Variants in FBXL5 observed in about 807,000 individuals in gnomAD.
The protein encoded by FBXL5 is F-box/LRR-repeat protein 5.
A neutral mutation model predicts 78.3 loss-of-function variants in FBXL5; 26 were observed. The ratio of observed to expected loss-of-function variants is 0.33; its 90% CI spans 0.24 to 0.46. FBXL5 has a LOEUF of 0.46. Ranked by LOEUF, FBXL5 falls within the 20% of genes least tolerant of loss-of-function variation. The pLI, the probability that FBXL5 is intolerant of heterozygous loss-of-function variation, is 1.00. For synonymous variants in FBXL5, 295 were observed against 282.5 expected (o/e 1.04, Z -0.45); for missense variants, 710 against 829.2 (o/e 0.86, Z 1.77).
chr4:15,614,790 C>G (rs1711603155), intron 9 of FBXL5, among the ~76,000 whole-genome samples: 1 of 152,190 alleles, frequency 6.6e-6, no homozygotes, highest in Admixed American at 6.5e-5. Context: ...AGCACCTCCT[C>G]TGCCTGGGCC....
chr4:15,617,937 C>T (rs1482241798), intron 9 of FBXL5, among the ~76,000 whole-genome samples: 1 of 151,984 alleles, frequency 6.6e-6, no homozygotes, highest in Non-Finnish European at 1.5e-5. Flanking sequence ...AACAAACCTG[C>T]ACATCTCACA....
chr4:15,668,649 T>C (rs1717642875), intron 1 of FBXL5, among the ~76,000 whole-genome samples: 1 of 152,166 alleles, frequency 6.6e-6, no homozygotes, highest in Non-Finnish European at 1.5e-5. Flanking sequence ...ATTCTTGAAA[T>C]AAAGGCTTAA....
intron 3 of FBXL5, among the ~76,000 whole-genome samples, chr4:15,639,750 C>T (rs1714648965): frequency 1.3e-5 from 2 of 152,066 alleles, no homozygotes; most frequent in Non-Finnish European, 2.9e-5. Context: ...CAATGCATGT[C>T]CTCTGATTTA....
chr4:15,617,954 C>A (rs764555990), intron 9 of FBXL5, among the ~76,000 whole-genome samples: 12 of 151,932 alleles, frequency 7.9e-5, no homozygotes, highest in Non-Finnish European at 1.6e-4. Flanking sequence ...CACACAGATA[C>A]CCTGAACTTA....
intron 1 of FBXL5, among the ~76,000 whole-genome samples, chr4:15,653,506 C>T (rs750845657): frequency 6.6e-6 from 1 of 152,256 alleles, no homozygotes; most frequent in African/African-American, 2.4e-5. Flanking sequence ...AAGCTACAAA[C>T]ACCCTAGGAA....
At chr4:15,638,994 A>T (rs4698406) in intron 3 of FBXL5, among the ~76,000 whole-genome samples, 1 of 151,826 alleles carries the variant, frequency 6.6e-6, no homozygotes, top group Non-Finnish European at 1.5e-5. Flanking sequence ...GAAAAACGCC[A>T]TCTCTACTAA....
chr4:15,668,434 T>C (rs953861229), intron 1 of FBXL5, among the ~76,000 whole-genome samples: 2 of 151,818 alleles, frequency 1.3e-5, no homozygotes, highest in African/African-American at 4.8e-5. Flanking sequence ...ACAGCAGATT[T>C]TGACTTTATT....
intron 9 of FBXL5, among the ~76,000 whole-genome samples, chr4:15,613,961 T>C (rs1303692321): frequency 6.6e-6 from 1 of 152,236 alleles, no homozygotes; most frequent in African/African-American, 2.4e-5. Flanking sequence ...TCTTCTTCAT[T>C]TGGATCCACT....
chr4:15,677,044 G>A (rs1164676813), intron 1 of FBXL5, among the ~76,000 whole-genome samples: 1 of 152,058 alleles, frequency 6.6e-6, no homozygotes, highest in Admixed American at 6.6e-5. Flanking sequence ...GTCAAAAAGA[G>A]GTTTATTTCG....
At position 15,612,272 on chromosome 4, in the gene FBXL5, T is replaced by C; in HGVS notation, c.1993A>G (p.Ile665Val). Residue 665 changes from isoleucine to valine, a missense_variant, in exon 10 of 11, where the codon ATT becomes GTT. Ile to Val is a conservative substitution (Grantham distance 29). Around this residue, in one of 4 missense-constraint regions of FBXL5, gnomAD observed 58 missense variants for 112.3 expected, o/e 0.52. Transcript: ENST00000341285. ...CACTGTTAAAAGGCATTACCGTTAATGTTGTCACAGTAGTAAAAGTATTCA... is the reference window on the plus strand; with the variant it reads ...CACTGTTAAAAGGCATTACCGTTAACGTTGTCACAGTAGTAAAAGTATTCA... The part of the protein sequence containing the change: ...NDEYFYYCDN[I>V]NGPHADTASG... The C allele has an allele frequency of 6.3e-7, 1 of 1,597,898 alleles. No individual in the cohort carries two copies. The highest frequency in any genetic ancestry group is 8.5e-7 in the Non-Finnish European group (1 of 1,174,602).
upstream of FBXL5, among the ~76,000 whole-genome samples, chr4:15,659,476 T>C (rs1254482328): frequency 1.3e-5 from 2 of 152,160 alleles, no homozygotes; most frequent in South Asian, 2.1e-4. Context: ...GGAATCTCTT[T>C]ACTCAGATTT....
rs115525742 is a variant in FBXL5, at chr4:15,643,987, C to G, written c.300+506G>C. The stretch of plus-strand genomic sequence containing the variant: ...CAAACCTGAGTCAGGCTCCTCTGGG[C>G]CCTCTTCTCAACTTAGGCCTGACCT... On this transcript the variant is annotated intron_variant, in intron 2 of 10. Coordinates refer to ENST00000341285, the MANE Select transcript of FBXL5 (RefSeq NM_012161.4). Among the ~76,000 whole-genome samples, 579 of 152,220 alleles carry G rather than the reference C, an allele frequency of 3.8e-3. 5 individuals are homozygous for G. Among genetic ancestry groups the G allele is most frequent in the African/African-American group, 0.013 (542 of 41,540 alleles).
At chr4:15,624,320 G>GT (rs1712789999) in intron 9 of FBXL5, among the ~76,000 whole-genome samples, 1 of 152,054 alleles carries the variant, frequency 6.6e-6, no homozygotes, top group African/African-American at 2.4e-5. Context: ...GTGTATCATT[G>GT]TTAGATGCCT....
At chr4:15,614,997 C>T (rs1711635206) in intron 9 of FBXL5, among the ~76,000 whole-genome samples, 1 of 152,176 alleles carries the variant, frequency 6.6e-6, no homozygotes, top group Non-Finnish European at 1.5e-5. Context: ...TTGGCGGGCC[C>T]CGCACTCAGA....
chr4:15,627,614 C>T (rs1387426064), intron 7 of FBXL5, among the ~76,000 whole-genome samples: 2 of 152,224 alleles, frequency 1.3e-5, no homozygotes, highest in African/African-American at 4.8e-5. Context: ...GGCTTTATCA[C>T]TTAACATCTG....
At chr4:15,615,317 G>A (rs981256552) in intron 9 of FBXL5, among the ~76,000 whole-genome samples, 1 of 152,124 alleles carries the variant, frequency 6.6e-6, no homozygotes, top group Non-Finnish European at 1.5e-5. Flanking sequence ...GCGCGGGACT[G>A]GCAGGCAGCT....
At chr4:15,677,882 G>A (rs1179165307) in intron 1 of FBXL5, among the ~76,000 whole-genome samples, 1 of 152,092 alleles carries the variant, frequency 6.6e-6, no homozygotes, top group Non-Finnish European at 1.5e-5. Flanking sequence ...GGGAATACCT[G>A]AGACTTGTGG....
At chr4:15,616,259 A>G (rs1711857243) in intron 9 of FBXL5, among the ~76,000 whole-genome samples, 1 of 152,238 alleles carries the variant, frequency 6.6e-6, no homozygotes, top group South Asian at 2.1e-4. Context: ...AGTGAGACCA[A>G]GAACCCACCA....
chr4:15,638,175 G>T (rs1322955084), intron 4 of FBXL5, among the ~76,000 whole-genome samples: 1 of 152,174 alleles, frequency 6.6e-6, no homozygotes, highest in Non-Finnish European at 1.5e-5. Context: ...CTGTGTAATG[G>T]TAGTTTTCAA....
Sources: allele counts gnomAD v4.1 joint callset (sites outside exome capture counted in the v4.1 genomes callset), GRCh38; gene constraint gnomAD v4.1.1; regional missense constraint gnomAD v4.1.1; transcripts MANE v1.5; gene names NCBI Gene and HGNC (gene_info 2026-07-23, HGNC 2026-07-21).